The following RIMS2 variants were observed in gnomAD, a reference collection of about 807,000 sequenced individuals.
RIMS2 encodes regulating synaptic membrane exocytosis protein 2.
Under a neutral mutation model 174.4 loss-of-function variants are expected in RIMS2, and 59 were observed. The ratio of observed to expected loss-of-function variants is 0.34; its 90% CI spans 0.27 to 0.42. RIMS2 has a LOEUF of 0.42. Among genes scored for constraint, RIMS2 ranks in the 10% least tolerant of loss-of-function variants. The probability of loss-of-function intolerance (pLI) is 1.00; values close to 1 mark genes in which losing one functional copy is unlikely to be tolerated. For synonymous variants in RIMS2, 606 were observed against 572.5 expected, an observed-to-expected ratio of 1.06 and a Z score of -0.84; for missense variants, 1,620 against 1,666.3, an observed-to-expected ratio of 0.97 and a Z score of 0.48.
intron 1 of RIMS2, among the ~76,000 whole-genome samples, chr8:103,603,574 T>G (rs1363999975): frequency 6.6e-6 from 1 of 152,070 alleles, no homozygotes; most frequent in African/African-American, 2.4e-5. Flanking sequence ...AATCGCCACA[T>G]TGACTTCCAC....
chr8:103,623,812 GGAA>G (rs1438693152), intron 1 of RIMS2, among the ~76,000 whole-genome samples: 2 of 150,940 alleles, frequency 1.3e-5, no homozygotes, highest in African/African-American at 2.4e-5. Flanking sequence ...TTTTTAAAAA[GGAA>G]GGAACTAGAG....
intron 19 of RIMS2, among the ~76,000 whole-genome samples, chr8:104,227,308 T>C (rs1420562979): frequency 6.8e-6 from 1 of 147,978 alleles, no homozygotes; most frequent in Non-Finnish European, 1.5e-5. Context: ...AAAGTAGTAA[T>C]AGTACCTTAC....
intron 19 of RIMS2, among the ~76,000 whole-genome samples, chr8:104,208,642 A>G (rs745576745): frequency 6.6e-6 from 1 of 152,206 alleles, no homozygotes; most frequent in Non-Finnish European, 1.5e-5. Context: ...AGAAACCACA[A>G]TGGACAAAGG....
At chr8:103,978,880 T>G (rs1380460545) in intron 16 of RIMS2, among the ~76,000 whole-genome samples, 1 of 152,186 alleles carries the variant, frequency 6.6e-6, no homozygotes, top group Non-Finnish European at 1.5e-5. Context: ...ATATATATCT[T>G]TTTGTGTATC....
intron 5 of RIMS2, chr8:103,910,397 A>G: frequency 6.3e-7 from 1 of 1,597,976 alleles, no homozygotes; most frequent in African/African-American, 1.3e-5. Flanking sequence ...CTGAGAGACA[A>G]AAGGAAATGA....
At chr8:103,803,417 G>T (rs1357366401) in intron 3 of RIMS2, among the ~76,000 whole-genome samples, 1 of 152,018 alleles carries the variant, frequency 6.6e-6, no homozygotes, top group Non-Finnish European at 1.5e-5. Context: ...AGACCTCAAA[G>T]AATTTTTGTT....
intron 3 of RIMS2, among the ~76,000 whole-genome samples, chr8:103,846,280 C>T (rs1163070369): frequency 6.6e-6 from 1 of 152,030 alleles, no homozygotes; most frequent in African/African-American, 2.4e-5. Flanking sequence ...TGCCTAGAAG[C>T]AGAGTCTAAG....
intron 3 of RIMS2, among the ~76,000 whole-genome samples, chr8:103,855,840 G>C (rs539092826): frequency 1.2e-4 from 19 of 152,040 alleles, no homozygotes; most frequent in Admixed American, 1.2e-3. Flanking sequence ...GTGGTTGTCG[G>C]GTGGAGTGTT....
At chr8:103,527,716 G>A (rs1277833208) in intron 1 of RIMS2, among the ~76,000 whole-genome samples, 3 of 152,102 alleles carry the variant, frequency 2.0e-5, no homozygotes, top group Admixed American at 6.6e-5. Flanking sequence ...CAAAGGACAT[G>A]AACTCATCCT....
rs562254906 is a variant in RIMS2 at position 103,857,118 on chromosome 8, G to A, written c.699-28180G>A. 2.0e-5 allele frequency among the ~76,000 whole-genome samples: 3 copies of A among 152,228 alleles called. No individual in the cohort carries two copies. In the South Asian group the frequency reaches 6.2e-4, roughly 32 times the overall value. ...AAAGTGTGGTAATAGCTGAGATACGGTGTTACATAAAATTTTACTCAGGAT... is the reference window on the plus strand; with the variant it reads ...AAAGTGTGGTAATAGCTGAGATACGATGTTACATAAAATTTTACTCAGGAT... On this transcript the variant is annotated intron_variant, in intron 3 of 23. Coordinates refer to ENST00000504942, the Ensembl canonical transcript of RIMS2.
intron 8 of RIMS2, among the ~76,000 whole-genome samples, chr8:103,917,046 C>T (rs2076747424): frequency 6.6e-6 from 1 of 152,106 alleles, no homozygotes; most frequent in Non-Finnish European, 1.5e-5. Context: ...TTTATAATGC[C>T]TATGCATTAA....
chr8:104,041,280 C>T lies in RIMS2; in HGVS notation c.3334+26665C>T, dbSNP rs1160991210. The T allele has an allele frequency of 6.2e-6, 4 of 641,564 alleles. No homozygotes were observed. The Admixed American group carries it at 6.5e-5, about 10-fold the overall frequency. 39.7% of individuals were successfully genotyped at this position (641,564 alleles called of 1,614,324 possible). On this transcript the variant is annotated intron_variant, in intron 19 of 23. Transcript: ENST00000504942. ...TACCTTTTGAGTACATCCACTCACT[C>T]CCATCTCCTTTGTCTATGTCTGTCC...
chr8:104,088,958 T>A (rs1461457374), intron 19 of RIMS2, among the ~76,000 whole-genome samples: 2 of 151,970 alleles, frequency 1.3e-5, no homozygotes, highest in African/African-American at 2.4e-5. Context: ...AGGAACTCTT[T>A]AGAGTCTGGA....
chr8:104,220,361 T>C (rs2099149589), intron 19 of RIMS2, among the ~76,000 whole-genome samples: 1 of 152,186 alleles, frequency 6.6e-6, no homozygotes, highest in Non-Finnish European at 1.5e-5. Context: ...TAGACACATC[T>C]AGACTATTCC....
Position 104,240,493 on chromosome 8 carries a change from G to A in RIMS2, c.3335-4423G>A, listed in dbSNP as rs573395530. 9.9e-5 allele frequency among the ~76,000 whole-genome samples: 15 copies of A among 152,280 alleles called. No homozygotes were observed. In the East Asian group the frequency reaches 2.9e-3, roughly 29 times the overall value. ...TTAAAATAAGCCTATAAATGTATTT[G>A]ATAATGGAACATTGAAAAAGACATG... On this transcript the variant is annotated intron_variant, in intron 19 of 23. Coordinates refer to ENST00000504942, the Ensembl canonical transcript of RIMS2.
intron 15 of RIMS2, among the ~76,000 whole-genome samples, chr8:103,973,504 A>G (rs551308781): frequency 1.3e-5 from 2 of 152,340 alleles, no homozygotes; most frequent in South Asian, 4.1e-4. Context: ...CAATAAAAAT[A>G]TTTACTATAT....
chr8:104,126,277 A>C (rs2098428624), intron 19 of RIMS2, among the ~76,000 whole-genome samples: 1 of 152,224 alleles, frequency 6.6e-6, no homozygotes, highest in African/African-American at 2.4e-5. Flanking sequence ...TAAATGGAAA[A>C]ATAGTTTTTT....
rs112344170 is a variant in RIMS2, at chr8:104,144,240, G to A, written c.3335-100676G>A. 4.3e-4 allele frequency among the ~76,000 whole-genome samples: 66 copies of A among 152,046 alleles called. 1 individual carries two copies. Among genetic ancestry groups the A allele is most frequent in the African/African-American group, 1.5e-3 (62 of 41,502 alleles). ...TTGGCAGTTTTATATATTTAACTTC[G>A]ATAATACTAAATATATACAGTTTTT... is the stretch of plus-strand genomic sequence containing the variant. On this transcript the variant is annotated intron_variant, in intron 19 of 23. Coordinates refer to ENST00000504942, the Ensembl canonical transcript of RIMS2.
exon 12 of RIMS2, chr8:103,931,366 T>C (rs1002212321): frequency 6.2e-7 from 1 of 1,600,196 alleles, no homozygotes; most frequent in Non-Finnish European, 8.5e-7. Flanking sequence ...AATCCTTATG[T>C]TAAAATTTAC....
Sources: gnomAD v4.1 joint callset for allele counts (sites outside exome capture counted in the v4.1 genomes callset) on GRCh38, gnomAD v4.1.1 for gene constraint, MANE v1.5 for transcripts, NCBI Gene and HGNC (gene_info 2026-07-23, HGNC 2026-07-21) for gene names.